The following COG2 variants were observed in gnomAD, a reference collection of about 807,000 sequenced individuals.
COG2 encodes conserved oligomeric Golgi complex subunit 2.
Under a neutral mutation model 90.6 loss-of-function variants are expected in COG2, and 52 were observed. That is an observed-to-expected ratio of 0.57 (90% CI 0.46 to 0.72). The LOEUF (loss-of-function observed/expected upper bound fraction) is 0.72. Ranked by LOEUF, COG2 falls within the 30% of genes least tolerant of loss-of-function variation. The pLI, the probability that COG2 is intolerant of heterozygous loss-of-function variation, is 0.00. For synonymous variants in COG2, 337 were observed against 320.4 expected, an observed-to-expected ratio of 1.05 and a Z score of -0.55; for missense variants, 829 against 891.2, an observed-to-expected ratio of 0.93 and a Z score of 0.89.
Position 230,658,728 on chromosome 1 carries a change from C to CT in COG2, c.73-728dup, listed in dbSNP as rs1011814666. ...ATAAGACCCTGACTGGGGCTGCTGC[C>CT]TTTTTTTTCAGAGATGCCCTGCCCA... On this transcript the variant is annotated intron_variant, in intron 1 of 17. Coordinates refer to ENST00000366669, the MANE Select transcript of COG2 (RefSeq NM_007357.3). 1.1e-4 allele frequency among the ~76,000 whole-genome samples: 16 copies of CT among 152,094 alleles called. No homozygotes were observed. The East Asian group carries it at 2.1e-3, about 20-fold the overall frequency.
chr1:230,665,823 C>T, intron 5 of COG2, among the ~76,000 whole-genome samples: 1 of 152,184 alleles, frequency 6.6e-6, no homozygotes, highest in East Asian at 1.9e-4. Flanking sequence ...CTGTCTTCCA[C>T]TCAACAGCAT....
Position 230,687,053 on chromosome 1 carries a change from C to T in COG2, c.1499C>T (p.Ser500Leu), listed in dbSNP as rs1571963960. The T allele has an allele frequency of 2.5e-6, 4 of 1,612,970 alleles. No homozygotes were observed. Among genetic ancestry groups the T allele is most frequent in the South Asian group, 2.2e-5 (2 of 90,756 alleles). ...ACTGAAGACCAAGGAAGTGGTCCTT[C>T]GGAAACAAAGCCTGTGGTTTCCATT... ...GNTEDQGSGP[S>L]ETKPVVSISR... Residue 500 changes from serine to leucine, a missense_variant, in exon 13 of 18, where the codon TCG (serine) becomes TTG (leucine). Physicochemically the swap from Ser to Leu is moderately radical, Grantham distance 145. Coordinates refer to ENST00000366669, the MANE Select transcript of COG2 (RefSeq NM_007357.3).
chr1:230,676,685 T>G (rs908893356), intron 9 of COG2, among the ~76,000 whole-genome samples: 6 of 152,200 alleles, frequency 3.9e-5, no homozygotes, highest in African/African-American at 1.4e-4. Flanking sequence ...AAATTCATGT[T>G]AGAAGACTTT....
rs1571954333 is a variant in COG2, at chr1:230,671,827, T to G, written c.899+187T>G. Among the ~76,000 whole-genome samples the G allele has an allele frequency of 2.0e-5, 3 of 152,200 alleles. No individual in the cohort carries two copies. In the South Asian group the frequency reaches 6.2e-4, roughly 32 times the overall value. The stretch of plus-strand genomic sequence containing the variant: ...AGATTCCATTAGCCTCATTTCAAAG[T>G]TGTGGAAACTGAGATGAAGCTGAGA... On this transcript the variant is annotated intron_variant, in intron 8 of 17. Transcript: ENST00000366669.
At chr1:230,651,303 G>A (rs1256818448) in intron 1 of COG2, among the ~76,000 whole-genome samples, 1 of 152,130 alleles carries the variant, frequency 6.6e-6, no homozygotes, top group Non-Finnish European at 1.5e-5. Flanking sequence ...GCAGCTTGGA[G>A]AATTTTGCTC....
At chr1:230,644,296 G>A (rs1461869962) in intron 1 of COG2, among the ~76,000 whole-genome samples, 2 of 152,220 alleles carry the variant, frequency 1.3e-5, no homozygotes, top group Non-Finnish European at 2.9e-5. Flanking sequence ...CAGCTGTTCT[G>A]TGTAAAATTT....
At chr1:230,689,942 G>C in intron 15 of COG2, 72 bp from the exon 16 acceptor site, 3 of 1,437,098 alleles carry the variant, frequency 2.1e-6, no homozygotes, top group Non-Finnish European at 2.8e-6. Context: ...TTGGACTTGA[G>C]TTCTGGGTAA....
At chr1:230,684,476 T>G (rs2479133) in intron 11 of COG2, 144,335 of 152,450 alleles carry the variant, frequency 0.95, 68,395 homozygotes, top group East Asian at 0.99. Flanking sequence ...GACATACCCT[T>G]TCAGCCTCAT....
chr1:230,690,033 C>A lies in COG2; in HGVS notation c.1814C>A (p.Ser605Tyr), dbSNP rs756761833. The A allele has an allele frequency of 1.9e-6, 3 of 1,601,794 alleles. No homozygotes were observed. Among genetic ancestry groups the A allele is most frequent in the Non-Finnish European group, 2.6e-6 (3 of 1,175,040 alleles). The stretch of plus-strand genomic sequence containing the variant: ...TTCCAGGAGGTCCCAACCACAGCTT[C>A]CTCCTATGTGGACAGTGCTCTGAAG... The part of the protein sequence containing the change: ...RTNKEVPTTA[S>Y]SYVDSALKPL... The change falls in exon 16 of 18, where the codon TCC becomes TAC. Residue 605 changes from serine to tyrosine, a missense_variant. Coordinates refer to ENST00000366669, the MANE Select transcript of COG2 (RefSeq NM_007357.3).
rs115131779 is a variant in COG2, at chr1:230,689,876, T to C, written c.1795-138T>C. The C allele has an allele frequency of 3.5e-3, 2,792 of 801,182 alleles. 7 individuals carry two copies. The highest frequency in any genetic ancestry group is 4.8e-3 in the Non-Finnish European group (2,464 of 516,484). 49.6% of individuals were successfully genotyped at this position (801,182 alleles called of 1,614,324 possible). A position where few individuals can be genotyped will look rare whatever the true frequency, so the allele number is the denominator to read the frequency against. ...GCTTTCTGTGGACCCCAGTGTTACTTTTGGGAGGGATGGAAGTTGTCCGTG... is the reference window on the plus strand; with the variant it reads ...GCTTTCTGTGGACCCCAGTGTTACTCTTGGGAGGGATGGAAGTTGTCCGTG... On this transcript the variant is annotated intron_variant, in intron 15 of 17. Transcript: ENST00000366669.
rs556479572 is a variant in COG2 at position 230,644,262 on chromosome 1, A to G, written c.72+1584A>G. Among the ~76,000 whole-genome samples, 7 of 152,378 alleles carry G rather than the reference A, an allele frequency of 4.6e-5. No homozygotes were observed. In the East Asian group the frequency reaches 9.6e-4, roughly 21 times the overall value. ...TTGTAGTGCTTATAAAAGTGACAAC[A>G]TACATAGAAGAAAATACATAGAACA... On this transcript the variant is annotated intron_variant, in intron 1 of 17. Coordinates refer to ENST00000366669, the MANE Select transcript of COG2 (RefSeq NM_007357.3).
At chr1:230,647,932 C>G (rs1661830674) in intron 1 of COG2, among the ~76,000 whole-genome samples, 1 of 152,132 alleles carries the variant, frequency 6.6e-6, no homozygotes, top group Admixed American at 6.5e-5. Context: ...GTAGTAGATT[C>G]TTCCAGTTTG....
intron 8 of COG2, 86 bp downstream of exon 8, chr1:230,671,726 T>C: frequency 7.9e-7 from 1 of 1,269,078 alleles, no homozygotes. Context: ...ACGATGACTG[T>C]CTTGTATGAA....
chr1:230,667,123 A>T (rs1238002440), intron 5 of COG2, among the ~76,000 whole-genome samples: 1 of 152,292 alleles, frequency 6.6e-6, no homozygotes, highest in South Asian at 2.1e-4. Context: ...ATTGGCTTGC[A>T]TGCCTTCTCA....
chr1:230,649,608 C>T (rs1661866068), intron 1 of COG2, among the ~76,000 whole-genome samples: 1 of 152,142 alleles, frequency 6.6e-6, no homozygotes, highest in African/African-American at 2.4e-5. Context: ...ATATATGCTC[C>T]TTGAGAACAG....
chr1:230,667,551 A>G (rs1662350770), intron 5 of COG2, among the ~76,000 whole-genome samples: 1 of 152,334 alleles, frequency 6.6e-6, no homozygotes, highest in South Asian at 2.1e-4. Flanking sequence ...GGGCAATATT[A>G]CTGAATAGTA....
chr1:230,683,366 A>G (rs1239348047), intron 10 of COG2: 1 of 495,108 alleles, frequency 2.0e-6, no homozygotes, highest in Non-Finnish European at 3.6e-6. Context: ...AATAACAGAG[A>G]ACCCTTATAT....
chr1:230,651,701 C>A (rs76200468), intron 1 of COG2, among the ~76,000 whole-genome samples: 9,091 of 152,204 alleles, frequency 0.06, 564 homozygotes, highest in African/African-American at 0.16. Context: ...TTCTTGACTT[C>A]TTCCAGCTTT....
chr1:230,691,569 C>G lies in COG2; in HGVS notation c.2115+5C>G. The G allele has an allele frequency of 2.5e-6, 4 of 1,603,646 alleles. No homozygotes were observed. Among genetic ancestry groups the G allele is most frequent in the Non-Finnish European group, 3.4e-6 (4 of 1,174,680 alleles). ...GTTGAGTACTTGGGAGAGCAGGTAA[C>G]CCATCAGCCGCCGGCAGCTCCAGCG... On this transcript the variant is annotated splice_donor_5th_base_variant and intron_variant, in intron 17 of 17. Coordinates refer to ENST00000366669, the MANE Select transcript of COG2 (RefSeq NM_007357.3).
Sources: allele counts gnomAD v4.1 joint callset (sites outside exome capture counted in the v4.1 genomes callset), GRCh38; gene constraint gnomAD v4.1.1; transcripts MANE v1.5; gene names NCBI Gene and HGNC (gene_info 2026-07-23, HGNC 2026-07-21).